Variants in RB1 observed in about 807,000 individuals in gnomAD.
RB1 encodes the protein RB transcriptional corepressor 1, also known as retinoblastoma-associated protein.
In RB1, 18 loss-of-function variants were observed where a neutral mutation model predicts 135.4. The observed-to-expected ratio is 0.13, with a 90% CI of 0.09 to 0.20. The LOEUF is 0.20. Among genes scored for constraint, RB1 ranks in the 10% least tolerant of loss-of-function variants. The pLI is 1.00. For missense variants in RB1, 868 were observed against 1,110.0 expected (o/e 0.78, Z 3.10); for synonymous variants, 365 against 373.2 (o/e 0.98, Z 0.25).
chr13:48,335,107 CT>C (rs1566183657), intron 2 of RB1, among the ~76,000 whole-genome samples: 1 of 151,942 alleles, frequency 6.6e-6, no homozygotes, highest in Admixed American at 6.6e-5. Flanking sequence ...ATTTTCTCTT[CT>C]TTTTTGTTTT....
rs187166242 is a variant in RB1, at chr13:48,379,690, G to A, written c.1389+40G>A. 3.2e-4 allele frequency: 499 copies of A among 1,581,590 alleles called. 3 individuals carry two copies. The African/African-American group carries it at 5.9e-3, about 19-fold the overall frequency. On this transcript the variant is annotated intron_variant, in intron 14 of 26. Coordinates refer to ENST00000267163, the MANE Select transcript of RB1 (RefSeq NM_000321.3). ...ATATAAAAAAATTTCAGCCGGGCGC[G>A]GTGGCTCACGCCTGCAATCCCAGCA...
At chr13:48,308,662 CAAAA>C (rs1164134702) in intron 2 of RB1, among the ~76,000 whole-genome samples, 1 of 150,036 alleles carries the variant, frequency 6.7e-6, no homozygotes, top group Non-Finnish European at 1.5e-5. Flanking sequence ...AAAAAAAAAA[CAAAA>C]AAAACCCCAG....
At chr13:48,441,580 AG>A (rs1468896428) in intron 17 of RB1, among the ~76,000 whole-genome samples, 2 of 152,246 alleles carry the variant, frequency 1.3e-5, no homozygotes, top group African/African-American at 4.8e-5. Context: ...ACCTAGAAGT[AG>A]AAGCAGCAAA....
intron 17 of RB1, among the ~76,000 whole-genome samples, chr13:48,424,755 T>A (rs1218063746): frequency 1.3e-5 from 2 of 152,102 alleles, no homozygotes; most frequent in African/African-American, 4.8e-5. Flanking sequence ...GCAATTCAAT[T>A]AAGAATGAAA....
At chr13:48,411,769 T>G in intron 17 of RB1, 1 of 1,611,146 alleles carries the variant, frequency 6.2e-7, no homozygotes, top group East Asian at 2.2e-5. Flanking sequence ...ATTTTGCTTC[T>G]ACTTAATGTA....
intron 17 of RB1, among the ~76,000 whole-genome samples, chr13:48,425,642 C>G (rs1949068913): frequency 6.6e-6 from 1 of 151,900 alleles, no homozygotes; most frequent in African/African-American, 2.4e-5. Flanking sequence ...CTCTTGAGCC[C>G]AGGAATTCCA....
At position 48,360,121 on chromosome 13, in the gene RB1, C is replaced by G. The variant is rs1402069667; in HGVS notation, c.712C>G (p.Pro238Ala). 1 of 1,612,308 alleles carries G rather than the reference C, an allele frequency of 6.2e-7. No homozygotes were observed. The highest frequency in any genetic ancestry group is 1.7e-5 in the Admixed American group (1 of 59,942). Residue 238 changes from proline (P) to alanine (A), a missense_variant, in exon 7 of 27, where the codon CCA becomes GCA. Pro to Ala is a conservative substitution (Grantham distance 27). Around this residue, in one of 3 missense-constraint regions of RB1, gnomAD observed 641 missense variants for 791.3 expected, o/e 0.81. Transcript: ENST00000267163. ...CTCACCTCCCATGTTGCTCAAAGAA[C>G]CATATAGTAAGTATTTAATTTATGC... ...KLSPPMLLKE[P>A]YKTAVIPING... is the part of the protein sequence containing the mutation.
At chr13:48,376,886 T>G (rs1231757400) in intron 12 of RB1, 32 bp from the exon 13 acceptor site, 14 of 1,612,428 alleles carry the variant, frequency 8.7e-6, no homozygotes, top group Non-Finnish European at 1.2e-5. Flanking sequence ...CACAGTATCC[T>G]CGACATTGAT....
intron 12 of RB1, among the ~76,000 whole-genome samples, chr13:48,374,532 C>G (rs1201843029): frequency 6.6e-6 from 1 of 152,210 alleles, no homozygotes; most frequent in Non-Finnish European, 1.5e-5. Context: ...TTTCTGTCAT[C>G]ATGTTCGTAA....
intron 17 of RB1, among the ~76,000 whole-genome samples, chr13:48,424,433 A>G (rs1489566401): frequency 2.0e-5 from 3 of 152,244 alleles, no homozygotes; most frequent in East Asian, 3.8e-4. Flanking sequence ...TTAAAGGGTG[A>G]TGAATGATGA....
At chr13:48,394,144 A>G (rs1948630490) in intron 17 of RB1, among the ~76,000 whole-genome samples, 1 of 152,144 alleles carries the variant, frequency 6.6e-6, no homozygotes, top group Non-Finnish European at 1.5e-5. Context: ...CGGGAAGCAC[A>G]AGGGGTTGGG....
intron 12 of RB1, among the ~76,000 whole-genome samples, chr13:48,375,997 T>C (rs548581022): frequency 1.8e-3 from 268 of 152,026 alleles, no homozygotes; most frequent in African/African-American, 5.8e-3. Context: ...TGATTACTTT[T>C]TATATATCAT....
At chr13:48,434,541 A>T (rs1460506360) in intron 17 of RB1, among the ~76,000 whole-genome samples, 1 of 151,966 alleles carries the variant, frequency 6.6e-6, no homozygotes, top group Non-Finnish European at 1.5e-5. Context: ...CACAAAAAAC[A>T]CCCTGGCCCA....
In RB1 at chr13:48,320,000, C is replaced by G. The variant is rs1025603665; in HGVS notation, c.264+12594C>G. On this transcript the variant is annotated intron_variant, in intron 2 of 26. Transcript: ENST00000267163. This position sits in a 1 kb window ranked among gnomAD's most constrained non-coding sequence, Gnocchi z 5.0. Reference sequence around the variant, plus strand: ...ACATCTACTGCCACTGCCTGCAGCCCTGGAAGGCTGGGCTGCGCCTGGCTG... The same window carrying G: ...ACATCTACTGCCACTGCCTGCAGCCGTGGAAGGCTGGGCTGCGCCTGGCTG... The G allele has an allele frequency of 4.6e-6, 2 of 431,868 alleles. No homozygotes were observed. Among genetic ancestry groups the G allele is most frequent in the Non-Finnish European group, 8.6e-6 (2 of 233,318 alleles). The allele number at this position is 431,868 out of a possible 1,614,324, so 26.8% of individuals were successfully genotyped here. A position where few individuals can be genotyped will look rare whatever the true frequency, so the allele number is the denominator to read the frequency against.
intron 6 of RB1, among the ~76,000 whole-genome samples, chr13:48,351,075 C>A (rs1391777748): frequency 6.6e-6 from 1 of 152,166 alleles, no homozygotes; most frequent in Non-Finnish European, 1.5e-5. Flanking sequence ...AGAATGATTT[C>A]TATTCCTTTG....
chr13:48,314,259 G>T (rs1350751280), intron 2 of RB1, among the ~76,000 whole-genome samples: 1 of 151,870 alleles, frequency 6.6e-6, no homozygotes, highest in Non-Finnish European at 1.5e-5. Flanking sequence ...ATTTTGATAG[G>T]GATTATGTTG....
intron 2 of RB1, among the ~76,000 whole-genome samples, chr13:48,307,774 A>T (rs997811028): frequency 6.6e-6 from 1 of 151,230 alleles, no homozygotes; most frequent in Non-Finnish European, 1.5e-5. Context: ...GAGGCAGGAG[A>T]ATTGCTTGAA....
At chr13:48,458,293 G>GTGTA (rs76498501) in intron 19 of RB1, among the ~76,000 whole-genome samples, 6 of 152,046 alleles carry the variant, frequency 3.9e-5, no homozygotes, top group African/African-American at 1.5e-4. Context: ...CTCTGAGTGT[G>GTGTA]TATATATGGT....
intron 18 of RB1, among the ~76,000 whole-genome samples, chr13:48,455,086 G>C (rs964955642): frequency 6.6e-5 from 10 of 152,076 alleles, no homozygotes; most frequent in Non-Finnish European, 1.3e-4. Flanking sequence ...TCTAAGGTAT[G>C]GTATTAGAAA....
Sources: gnomAD v4.1 joint callset for allele counts (sites outside exome capture counted in the v4.1 genomes callset) on GRCh38, gnomAD v4.1.1 for gene constraint, gnomAD v4.1.1 regional missense constraint, Gnocchi (gnomAD v3.1) non-coding constraint, MANE v1.5 for transcripts, NCBI Gene and HGNC (gene_info 2026-07-23, HGNC 2026-07-21) for gene names.